Variants in SIX4 observed in about 807,000 individuals in gnomAD.
The protein encoded by SIX4 is SIX homeobox 4.
SIX4 carries 23 observed loss-of-function variants against 51.5 expected under a neutral mutation model. That is an observed-to-expected ratio of 0.45 (90% CI 0.32 to 0.63). The LOEUF is 0.63. SIX4 is among the 30% of genes least tolerant of loss of function. The pLI is 0.04. For synonymous variants in SIX4, 413 were observed against 417.3 expected (o/e 0.99, Z 0.13); for missense variants, 867 against 984.0 (o/e 0.88, Z 1.59).
chr14:60,720,426 T>C lies in SIX4; in HGVS notation c.883A>G (p.Ser295Gly). The C allele has an allele frequency of 6.2e-7, 1 of 1,613,430 alleles. No homozygotes were observed. The highest frequency in any genetic ancestry group is 8.5e-7 in the Non-Finnish European group (1 of 1,179,668). ...CCCTTGCTGGATTCATCTTCAGTGC[T>C]GGGGTTGCCATCTGACTCACTGTAT... ...QSKSESDGNP[S>G]TEDESSKGHE... The change falls in exon 2 of 3, where the codon AGC becomes GGC. Residue 295 changes from serine (S) to glycine (G), a missense_variant. Coordinates refer to ENST00000216513, the MANE Select transcript of SIX4 (RefSeq NM_017420.5). The surrounding 1 kb of genome is among the most constrained non-coding windows in gnomAD (Gnocchi z 5.5).
chr14:60,723,060 C>T, intron 1 of SIX4, 152 bp downstream of exon 1: 4 of 1,411,534 alleles, frequency 2.8e-6, no homozygotes, highest in Non-Finnish European at 3.7e-6. Context: ...CCTCTGCCGG[C>T]CGGGGAGCGA....
rs532603422 is a variant in SIX4, at chr14:60,709,960, A to T, written c.*3447T>A. ...TGGTAAATTAACATAAAATGTATCA[A>T]TTAGATACAAAGTAACTGCTAGGCT... On this transcript the variant is annotated 3_prime_UTR_variant, in exon 3 of 3. Coordinates refer to ENST00000216513, the MANE Select transcript of SIX4 (RefSeq NM_017420.5). This position sits in a 1 kb window ranked among gnomAD's most constrained non-coding sequence, Gnocchi z 4.1. 6 of 152,692 alleles carry T rather than the reference A, an allele frequency of 3.9e-5. No homozygotes were observed. The highest frequency in any genetic ancestry group is 7.3e-5 in the Non-Finnish European group (5 of 68,054). The allele number at this position is 152,692 out of a possible 1,614,324, so 9.5% of individuals were successfully genotyped here. A position where few individuals can be genotyped will look rare whatever the true frequency, so the allele number is the denominator to read the frequency against.
rs762454982 is a variant in SIX4 at position 60,720,019 on chromosome 14, T to C, written c.1290A>G (p.Ser430=). 1 of 1,614,224 alleles carries C rather than the reference T, an allele frequency of 6.2e-7. No homozygotes were observed. Among genetic ancestry groups the C allele is most frequent in the Non-Finnish European group, 8.5e-7 (1 of 1,180,036 alleles). The part of the protein sequence containing the change: ...EFKVLQSSAN[S]ATTTSYSPSV... The stretch of plus-strand genomic sequence containing the variant: ...TGGGGCTGTAGGACGTGGTGGTTGC[T>C]GAGTTAGCAGAACTCTGGAGGACTT... Residue 430 remains serine, a synonymous_variant, in exon 2 of 3, where the codon TCA becomes TCG. Transcript: ENST00000216513. This position sits in a 1 kb window ranked among gnomAD's most constrained non-coding sequence, Gnocchi z 5.5.
intron 2 of SIX4, among the ~76,000 whole-genome samples, chr14:60,716,178 C>A (rs1895917466): frequency 6.6e-6 from 1 of 151,294 alleles, no homozygotes; most frequent in South Asian, 2.1e-4. Context: ...TCTCCTGGGC[C>A]CAAGCAATCC....
chr14:60,713,324 A>T lies in SIX4; in HGVS notation c.*83T>A, dbSNP rs190724780. Reference sequence around the variant, plus strand: ...TTGCAAAACTAGAGTGTTTTCCTTTAAATGGGAAAATGTTTTGTGTCCTTG... The same window carrying T: ...TTGCAAAACTAGAGTGTTTTCCTTTTAATGGGAAAATGTTTTGTGTCCTTG... On this transcript the variant is annotated 3_prime_UTR_variant, in exon 3 of 3. Coordinates refer to ENST00000216513, the MANE Select transcript of SIX4 (RefSeq NM_017420.5). The T allele has an allele frequency of 1.0e-4, 147 of 1,438,824 alleles. No individual in the cohort carries two copies. In the East Asian group the frequency reaches 3.3e-3, roughly 32 times the overall value. 89.1% of individuals were successfully genotyped at this position (1,438,824 alleles called of 1,614,324 possible).
intron 1 of SIX4, chr14:60,721,246 C>T: frequency 1.4e-6 from 1 of 706,506 alleles, no homozygotes; most frequent in Non-Finnish European, 1.7e-6. Flanking sequence ...GACCCTGTTC[C>T]TCAGCTCTCT....
At position 60,713,629 on chromosome 14, in the gene SIX4, G is replaced by T; in HGVS notation, c.2124C>A (p.Val708=). 1 of 1,614,194 alleles carries T rather than the reference G, an allele frequency of 6.2e-7. No individual in the cohort carries two copies. Among genetic ancestry groups the T allele is most frequent in the Non-Finnish European group, 8.5e-7 (1 of 1,180,044 alleles). ...ATTGCAGAACCAAACGATGTTCTTG[G>T]ACAAAATCCTGATGTACTGCTGGGG... ...HPSPAVHQDF[V]QEHRLVLQSV... is the part of the protein sequence containing the mutation. The change falls in exon 3 of 3, where the codon GTC becomes GTA. Residue 708 remains valine, a synonymous_variant. Transcript: ENST00000216513.
Position 60,723,445 on chromosome 14 carries a change from C to A in SIX4, c.630G>T (p.Leu210=). ...TGCGGGGCAGGGGGAATTTCCTGCG[C>A]AGCCGGTACTTGTCTACGGCTCCCA... The part of the protein sequence containing the change: ...RPLGAVDKYR[L]RRKFPLPRTI... The change falls in exon 1 of 3, where the codon CTG becomes CTT. Residue 210 remains leucine, a synonymous_variant. Coordinates refer to ENST00000216513, the MANE Select transcript of SIX4 (RefSeq NM_017420.5). 1 of 1,609,776 alleles carries A rather than the reference C, an allele frequency of 6.2e-7. No homozygotes were observed. Among genetic ancestry groups the A allele is most frequent in the Non-Finnish European group, 8.5e-7 (1 of 1,179,880 alleles).
chr14:60,713,138 A>G lies in SIX4; in HGVS notation c.*269T>C, dbSNP rs1895852772. On this transcript the variant is annotated 3_prime_UTR_variant, in exon 3 of 3. Transcript: ENST00000216513. ...TTAGAATTATAGAGTCAACTAAATGATTCACTTTGACTTGATACATTTCAC... is the reference window on the plus strand; with the variant it reads ...TTAGAATTATAGAGTCAACTAAATGGTTCACTTTGACTTGATACATTTCAC... The G allele has an allele frequency of 3.1e-6, 1 of 324,890 alleles. No individual in the cohort carries two copies. The highest frequency in any genetic ancestry group is 2.1e-5 in the African/African-American group (1 of 46,572). 20.1% of individuals were successfully genotyped at this position (324,890 alleles called of 1,614,324 possible).
chr14:60,723,524 T>A lies in SIX4; in HGVS notation c.551A>T (p.Gln184Leu). The A allele has an allele frequency of 6.2e-7, 1 of 1,607,322 alleles. No individual in the cohort carries two copies. Among genetic ancestry groups the A allele is most frequent in the Non-Finnish European group, 8.5e-7 (1 of 1,179,356 alleles). The change falls in exon 1 of 3, where the codon CAG (glutamine) becomes CTG (leucine). Residue 184 changes from glutamine to leucine, a missense_variant. Physicochemically the swap from Gln to Leu is moderately radical, Grantham distance 113. Transcript: ENST00000216513. ...FESANHPLLQ[Q>L]LWYKARYTEA... ...GGTGTAGCGCGCCTTGTACCAGAGC[T>A]GCTGCAGCAGCGGGTGGTTGGCCGA...
chr14:60,714,943 C>T (rs1014334079), intron 2 of SIX4, among the ~76,000 whole-genome samples: 3 of 142,214 alleles, frequency 2.1e-5, no homozygotes, highest in Non-Finnish European at 4.5e-5. Context: ...GGATTACAGG[C>T]GTGAGCCACA....
In SIX4 at chr14:60,724,233, T is replaced by C; in HGVS notation, c.-159A>G. Reference sequence around the variant, plus strand: ...TTTCGGCTGTATCTGGCCGATCAGGTTTCCCCCCGGCCACGCAGTCACCAT... The same window carrying C: ...TTTCGGCTGTATCTGGCCGATCAGGCTTCCCCCCGGCCACGCAGTCACCAT... On this transcript the variant is annotated 5_prime_UTR_variant, in exon 1 of 3. Transcript: ENST00000216513. 7 of 1,542,026 alleles carry C rather than the reference T, an allele frequency of 4.5e-6. No homozygotes were observed. Among genetic ancestry groups the C allele is most frequent in the Non-Finnish European group, 6.1e-6 (7 of 1,150,392 alleles).
Position 60,720,525 on chromosome 14 carries a change from G to GC in SIX4, c.864-81dup, listed in dbSNP as rs375525629. 7.3e-7 allele frequency: 1 copy of GC among 1,365,098 alleles called. No individual in the cohort carries two copies. Among genetic ancestry groups the GC allele is most frequent in the Non-Finnish European group, 1.0e-6 (1 of 998,220 alleles). The allele number at this position is 1,365,098 out of a possible 1,614,324, so 84.6% of individuals were successfully genotyped here. A position where few individuals can be genotyped will look rare whatever the true frequency, so the allele number is the denominator to read the frequency against. ...ACAGTGCCACTTGTTTGGAAAACCA[G>GC]CTTCTAAATCCATTAAAGGCAGTAT... On this transcript the variant is annotated intron_variant, in intron 1 of 2. Transcript: ENST00000216513. This position sits in a 1 kb window ranked among gnomAD's most constrained non-coding sequence, Gnocchi z 5.5.
Position 60,722,546 on chromosome 14 carries a change from AC to A in SIX4, c.863+665del, listed in dbSNP as rs1403637713. 2.0e-5 allele frequency among the ~76,000 whole-genome samples: 3 copies of A among 152,156 alleles called. No individual in the cohort carries two copies. The highest frequency in any genetic ancestry group is 7.2e-5 in the African/African-American group (3 of 41,432). On this transcript the variant is annotated intron_variant, in intron 1 of 2. Coordinates refer to ENST00000216513, the MANE Select transcript of SIX4 (RefSeq NM_017420.5). This position sits in a 1 kb window ranked among gnomAD's most constrained non-coding sequence, Gnocchi z 5.9. The stretch of plus-strand genomic sequence containing the variant: ...CATGACAGAGCCGAGCTGCACCAGC[AC>A]CCCACGTTGCCGCGGCCGCTAAGGG...
intron 2 of SIX4, among the ~76,000 whole-genome samples, chr14:60,715,203 T>A (rs1420336444): frequency 6.6e-6 from 1 of 152,174 alleles, no homozygotes; most frequent in Middle Eastern, 3.2e-3. Context: ...TAACTTGACA[T>A]CTCTCAATTA....
chr14:60,712,337 CCT>C lies in SIX4; in HGVS notation c.*1068_*1069del, dbSNP rs1895838646. 2 of 152,434 alleles carry C rather than the reference CCT, an allele frequency of 1.3e-5. No homozygotes were observed. Among genetic ancestry groups the C allele is most frequent in the Middle Eastern group, 3.4e-3 (1 of 294 alleles). 9.4% of individuals were successfully genotyped at this position (152,434 alleles called of 1,614,324 possible). A position where few individuals can be genotyped will look rare whatever the true frequency, so the allele number is the denominator to read the frequency against. On this transcript the variant is annotated 3_prime_UTR_variant, in exon 3 of 3. Transcript: ENST00000216513. ...AAAGCAATTTTGTGGTGAAATTAAC[CCT>C]GTTAGATAGTAGAAAAGAACCATCA...
rs1211139957 is a variant in SIX4 at position 60,710,202 on chromosome 14, A to C, written c.*3205T>G. The C allele has an allele frequency of 6.6e-6, 1 of 152,654 alleles. No individual in the cohort carries two copies. The highest frequency in any genetic ancestry group is 1.5e-5 in the Non-Finnish European group (1 of 68,040). 9.5% of individuals were successfully genotyped at this position (152,654 alleles called of 1,614,324 possible). A position where few individuals can be genotyped will look rare whatever the true frequency, so the allele number is the denominator to read the frequency against. On this transcript the variant is annotated 3_prime_UTR_variant, in exon 3 of 3. Transcript: ENST00000216513. ...ATCCAACTTTTAACATGCAAGATAC[A>C]AGGGCATACACAGAGAGATTTAAGG...
chr14:60,721,270 T>A, intron 1 of SIX4: 7 of 407,856 alleles, frequency 1.7e-5, no homozygotes, highest in African/African-American at 2.2e-5. Flanking sequence ...TTGGGAGAAA[T>A]ACCAAATCGG....
chr14:60,723,580 G>C lies in SIX4; in HGVS notation c.495C>G (p.Leu165=), dbSNP rs550497092. ...AGCTGTGGCTCTCGAGGATGCTGTA[G>C]AGCTCGGGGTAGATGCCCTGGTGGA... The part of the protein sequence containing the change: ...VAFHQGIYPE[L]YSILESHSFE... Residue 165 remains leucine, a synonymous_variant, in exon 1 of 3, where the codon CTC becomes CTG. Coordinates refer to ENST00000216513, the MANE Select transcript of SIX4 (RefSeq NM_017420.5). 3 of 1,611,128 alleles carry C rather than the reference G, an allele frequency of 1.9e-6. No homozygotes were observed. The highest frequency in any genetic ancestry group is 2.5e-6 in the Non-Finnish European group (3 of 1,179,516).
Sources: gnomAD v4.1 joint callset for allele counts (sites outside exome capture counted in the v4.1 genomes callset) on GRCh38, gnomAD v4.1.1 for gene constraint, Gnocchi (gnomAD v3.1) non-coding constraint, MANE v1.5 for transcripts, NCBI Gene and HGNC (gene_info 2026-07-23, HGNC 2026-07-21) for gene names.